RAPGEF2: variants seen among roughly 807,000 people sequenced by gnomAD.
RAPGEF2 encodes PDZ domain containing guanine nucleotide exchange factor (GEF) 1.
Under a neutral mutation model 186.7 loss-of-function variants are expected in RAPGEF2, and 54 were observed. The ratio of observed to expected loss-of-function variants is 0.29; its 90% CI spans 0.23 to 0.36. The LOEUF (loss-of-function observed/expected upper bound fraction) is 0.36. RAPGEF2 is among the 10% of genes least tolerant of loss of function. The pLI, the probability that RAPGEF2 is intolerant of heterozygous loss-of-function variation, is 1.00. For missense variants in RAPGEF2, 1,532 were observed against 2,045.0 expected, an observed-to-expected ratio of 0.75 and a Z score of 4.84; for synonymous variants, 712 against 705.9, an observed-to-expected ratio of 1.01 and a Z score of -0.14.
chr4:159,250,665 CTT>C (rs34304252), intron 7 of RAPGEF2, among the ~76,000 whole-genome samples: 37,405 of 122,344 alleles, frequency 0.31, 4,751 homozygotes, highest in Non-Finnish European at 0.35. Flanking sequence ...TAGCACTCTT[CTT>C]TTTTTTTTTT....
At chr4:159,238,180 A>G (rs1753526655) in intron 4 of RAPGEF2, among the ~76,000 whole-genome samples, 1 of 152,234 alleles carries the variant, frequency 6.6e-6, no homozygotes, top group Non-Finnish European at 1.5e-5. Context: ...GGAATTCACC[A>G]CAGATAAGGC....
At chr4:159,305,470 T>G (rs552311576) in intron 8 of RAPGEF2, among the ~76,000 whole-genome samples, 1 of 152,308 alleles carries the variant, frequency 6.6e-6, no homozygotes, top group Non-Finnish European at 1.5e-5. Flanking sequence ...GTTGGCTATT[T>G]GTATGTTTTC....
At chr4:159,354,746 A>G (rs1423489795) in intron 28 of RAPGEF2, among the ~76,000 whole-genome samples, 1 of 152,248 alleles carries the variant, frequency 6.6e-6, no homozygotes, top group Admixed American at 6.5e-5. Flanking sequence ...AAATTTATGC[A>G]AAGTATTTAG....
chr4:159,144,048 A>AAAG, intron 1 of RAPGEF2, among the ~76,000 whole-genome samples: 1 of 152,324 alleles, frequency 6.6e-6, no homozygotes, highest in East Asian at 1.9e-4. Context: ...AGGAACAGTG[A>AAAG]AACCGTGTAA....
intron 17 of RAPGEF2, among the ~76,000 whole-genome samples, chr4:159,335,217 AAGG>A (rs1216766508): frequency 2.6e-5 from 4 of 152,178 alleles, no homozygotes; most frequent in Non-Finnish European, 5.9e-5. Context: ...CATAGAGAGG[AAGG>A]AGAAGATGGG....
intron 17 of RAPGEF2, among the ~76,000 whole-genome samples, chr4:159,335,287 A>G (rs1767244511): frequency 6.6e-6 from 1 of 152,124 alleles, no homozygotes; most frequent in Non-Finnish European, 1.5e-5. Flanking sequence ...AGACTAATGA[A>G]CCCAGAGACA....
rs116626247 is a variant in RAPGEF2, at chr4:159,141,295, G to C, written c.69+37064G>C. Among the ~76,000 whole-genome samples, 290 of 152,292 alleles carry C rather than the reference G, an allele frequency of 1.9e-3. 1 individual carries two copies. Among genetic ancestry groups the C allele is most frequent in the Admixed American group, 4.6e-3 (71 of 15,292 alleles). On this transcript the variant is annotated intron_variant, in intron 1 of 29. Coordinates refer to ENST00000691494, the MANE Select transcript of RAPGEF2 (RefSeq NM_001394067.2). Reference sequence around the variant, plus strand: ...GTTAAACAAATGCCCAGACTGGGCAGTCGTTTCATACACATAGTTCTTGCC... The same window carrying C: ...GTTAAACAAATGCCCAGACTGGGCACTCGTTTCATACACATAGTTCTTGCC...
intron 7 of RAPGEF2, among the ~76,000 whole-genome samples, chr4:159,261,909 T>C (rs1475121474): frequency 6.6e-6 from 1 of 152,216 alleles, no homozygotes; most frequent in Non-Finnish European, 1.5e-5. Flanking sequence ...TTTGATAATA[T>C]TCATGTAGGT....
intron 9 of RAPGEF2, among the ~76,000 whole-genome samples, chr4:159,322,069 C>A (rs899861335): frequency 6.6e-6 from 1 of 152,004 alleles, no homozygotes; most frequent in Non-Finnish European, 1.5e-5. Flanking sequence ...TAGAAATTTC[C>A]CATTTGAAGT....
intron 7 of RAPGEF2, among the ~76,000 whole-genome samples, chr4:159,261,625 C>G (rs1756891095): frequency 6.6e-6 from 1 of 152,158 alleles, no homozygotes; most frequent in South Asian, 2.1e-4. Context: ...CTTTTTGTAG[C>G]TTTCCTAAAC....
chr4:159,231,461 T>C (rs940711623), intron 4 of RAPGEF2, among the ~76,000 whole-genome samples: 1 of 151,970 alleles, frequency 6.6e-6, no homozygotes, highest in African/African-American at 2.4e-5. Context: ...GTTTCTCACA[T>C]GAATCATATA....
chr4:159,198,846 G>A lies in RAPGEF2; in HGVS notation c.197+5590G>A, dbSNP rs184625263. ...GTGTACATAAAGAAAATGGTGGCTC[G>A]AGGTGGGCGGATCAGTTGAGGCCAG... On this transcript the variant is annotated intron_variant, in intron 3 of 29. Transcript: ENST00000691494. Among the ~76,000 whole-genome samples the A allele has an allele frequency of 2.0e-5, 3 of 151,812 alleles. No individual in the cohort carries two copies. In the East Asian group the frequency reaches 5.8e-4, roughly 29 times the overall value.
intron 8 of RAPGEF2, among the ~76,000 whole-genome samples, chr4:159,314,348 A>G (rs893411511): frequency 6.6e-6 from 1 of 152,242 alleles, no homozygotes; most frequent in Non-Finnish European, 1.5e-5. Flanking sequence ...TATGACAGCT[A>G]GGATAAGAAA....
chr4:159,304,448 G>A lies in RAPGEF2; in HGVS notation c.650G>A (p.Ser217Asn). 1 of 1,605,820 alleles carries A rather than the reference G, an allele frequency of 6.2e-7. No homozygotes were observed. Among genetic ancestry groups the A allele is most frequent in the Non-Finnish European group, 8.5e-7 (1 of 1,173,044 alleles). The change falls in exon 8 of 30, where the codon AGC (serine) becomes AAC (asparagine). Residue 217 changes from serine to asparagine, a missense_variant. This residue lies in a region of RAPGEF2 where 810 missense variants were observed against 1,210.5 expected (regional missense o/e 0.67). Coordinates refer to ENST00000691494, the MANE Select transcript of RAPGEF2 (RefSeq NM_001394067.2). ...SGCSITSDSG[S>N]SSLSDIYQAT... ...TGTAGTATCACTAGTGATTCTGGGA[G>A]CAGCAGTCTTTCTGATATCTACCAG...
At chr4:159,242,790 A>G (rs1049500800) in intron 6 of RAPGEF2, among the ~76,000 whole-genome samples, 2 of 152,068 alleles carry the variant, frequency 1.3e-5, no homozygotes, top group African/African-American at 2.4e-5. Flanking sequence ...ATAGTTATAC[A>G]TATTAATAGT....
intron 1 of RAPGEF2, among the ~76,000 whole-genome samples, chr4:159,118,398 G>A (rs751761316): frequency 1.3e-5 from 2 of 152,008 alleles, no homozygotes; most frequent in Non-Finnish European, 2.9e-5. Flanking sequence ...TCTACATTAC[G>A]GTGAGTTGTA....
In RAPGEF2 at chr4:159,356,096, C is replaced by A. The variant is rs762752578; in HGVS notation, c.4895C>A (p.Pro1632Gln). 3 of 1,614,162 alleles carry A rather than the reference C, an allele frequency of 1.9e-6. No homozygotes were observed. The highest frequency in any genetic ancestry group is 2.5e-6 in the Non-Finnish European group (3 of 1,180,042). The change falls in exon 29 of 30, where the codon CCG becomes CAG. Residue 1632 changes from proline to glutamine, a missense_variant. Transcript: ENST00000691494. ...GTGAACAAACCTCAGTGGCATAAAC[C>A]GAACGAGTCTGACCCGCGCCTCGCC... is the stretch of plus-strand genomic sequence containing the variant. ...RPVNKPQWHK[P>Q]NESDPRLAPY... is the part of the protein sequence containing the mutation.
chr4:159,305,828 A>T lies in RAPGEF2; in HGVS notation c.675+1355A>T, dbSNP rs189934562. On this transcript the variant is annotated intron_variant, in intron 8 of 29. Transcript: ENST00000691494. The stretch of plus-strand genomic sequence containing the variant: ...GGTCTTAAGTCTTCAATCTGTTTTG[A>T]GTCGATTTTTATTTATGCTGAAAGA... Among the ~76,000 whole-genome samples the T allele has an allele frequency of 5.3e-5, 8 of 152,136 alleles. No individual in the cohort carries two copies. The East Asian group carries it at 1.2e-3, about 22-fold the overall frequency.
chr4:159,323,461 G>A lies in RAPGEF2; in HGVS notation c.993G>A (p.Leu331=). 2 of 1,594,396 alleles carry A rather than the reference G, an allele frequency of 1.3e-6. No individual in the cohort carries two copies. Among genetic ancestry groups the A allele is most frequent in the Non-Finnish European group, 1.7e-6 (2 of 1,170,892 alleles). Residue 331 remains leucine, a splice_region_variant and synonymous_variant, in exon 11 of 30, where the codon CTG becomes CTA. Transcript: ENST00000691494. ...TTGTCTTTATTTTTTTGGATTAGCT[G>A]GACTCCTGGTCAGTGATTCTCAATG... ...GTIVLNDGEE[L]DSWSVILNGS...
Sources: allele counts gnomAD v4.1 joint callset (sites outside exome capture counted in the v4.1 genomes callset), GRCh38; gene constraint gnomAD v4.1.1; regional missense constraint gnomAD v4.1.1; transcripts MANE v1.5; gene names NCBI Gene and HGNC (gene_info 2026-07-23, HGNC 2026-07-21).